Variants in RGS18 observed in about 807,000 individuals in gnomAD.
RGS18 encodes regulator of G protein signaling 18.
In RGS18, 22 loss-of-function variants were observed where a neutral mutation model predicts 27.6. The observed-to-expected ratio is 0.80, with a 90% CI of 0.57 to 1.14. The LOEUF (loss-of-function observed/expected upper bound fraction) is 1.14. Ranked by LOEUF, RGS18 falls within the 50% of genes most tolerant of loss-of-function variation. The probability of loss-of-function intolerance (pLI) is 0.00; values close to 1 mark genes in which losing one functional copy is unlikely to be tolerated. For missense variants in RGS18, 299 were observed against 269.6 expected, an observed-to-expected ratio of 1.11 and a Z score of -0.76; for synonymous variants, 89 against 84.6, an observed-to-expected ratio of 1.05 and a Z score of -0.29.
At chr1:192,161,914 C>A (rs1656079340) in intron 3 of RGS18, among the ~76,000 whole-genome samples, 1 of 152,100 alleles carries the variant, frequency 6.6e-6, no homozygotes, top group Non-Finnish European at 1.5e-5. Flanking sequence ...GTCTTGGTGA[C>A]CTTTTCATGT....
At chr1:192,178,965 A>T (rs1404314579) in intron 3 of RGS18, among the ~76,000 whole-genome samples, 1 of 151,624 alleles carries the variant, frequency 6.6e-6, no homozygotes, top group Non-Finnish European at 1.5e-5. Flanking sequence ...AAAAATGTCA[A>T]GAGAGAAGAT....
At chr1:192,171,242 G>A (rs911997089) in intron 3 of RGS18, among the ~76,000 whole-genome samples, 1 of 151,826 alleles carries the variant, frequency 6.6e-6, no homozygotes, top group African/African-American at 2.4e-5. Context: ...ATCTTGAAAA[G>A]AATACACTAA....
intron 3 of RGS18, among the ~76,000 whole-genome samples, chr1:192,161,638 A>T (rs575462220): frequency 6.6e-6 from 1 of 152,070 alleles, no homozygotes; most frequent in South Asian, 2.1e-4. Flanking sequence ...TCTTTGAAAT[A>T]CAATCATTTC....
At chr1:192,163,457 C>G (rs1443271438) in intron 3 of RGS18, 4 of 152,074 alleles carry the variant, frequency 2.6e-5, no homozygotes, top group Non-Finnish European at 4.4e-5. Flanking sequence ...AAATCCTCAC[C>G]TAGCATTCTG....
At chr1:192,159,496 A>G (rs1656033324) in intron 2 of RGS18, among the ~76,000 whole-genome samples, 175 bp downstream of exon 2, 1 of 152,222 alleles carries the variant, frequency 6.6e-6, no homozygotes, top group Admixed American at 6.5e-5. Flanking sequence ...CACTTGAATT[A>G]AATCGCTTGA....
intron 3 of RGS18, among the ~76,000 whole-genome samples, chr1:192,175,393 G>A (rs935719698): frequency 6.6e-6 from 1 of 151,702 alleles, no homozygotes; most frequent in Non-Finnish European, 1.5e-5. Flanking sequence ...CCCTTATAGA[G>A]TATTGAATCA....
At chr1:192,178,110 G>T (rs545827189) in intron 3 of RGS18, among the ~76,000 whole-genome samples, 1 of 151,396 alleles carries the variant, frequency 6.6e-6, no homozygotes, top group African/African-American at 2.4e-5. Flanking sequence ...TATGAAAGGG[G>T]AATTTTTTTT....
intron 3 of RGS18, among the ~76,000 whole-genome samples, chr1:192,172,253 G>C (rs1193656781): frequency 6.6e-6 from 1 of 151,956 alleles, no homozygotes; most frequent in Non-Finnish European, 1.5e-5. Context: ...GGATTGGCTT[G>C]GTGCAGTTTT....
chr1:192,160,552 C>A (rs960329098), intron 3 of RGS18, 113 bp downstream of exon 3: 1 of 650,784 alleles, frequency 1.5e-6, no homozygotes, highest in Non-Finnish European at 2.7e-6. Flanking sequence ...TGTTAATTTT[C>A]AGTAATTCAA....
Position 192,181,325 on chromosome 1 carries a change from C to T in RGS18, c.317C>T (p.Thr106Ile). 1 of 1,561,968 alleles carries T rather than the reference C, an allele frequency of 6.4e-7. No homozygotes were observed. Among genetic ancestry groups the T allele is most frequent in the South Asian group, 1.2e-5 (1 of 82,744 alleles). ...GLEAFTRFLKTEFSEENIEFW... is the reference protein window; with the variant it reads ...GLEAFTRFLKIEFSEENIEFW... ...GAGGCTTTTACCAGATTTCTTAAAA[C>T]TGAATTCAGTGAAGAAAATATTGAA... The change falls in exon 4 of 5, where the codon ACT becomes ATT. Residue 106 changes from threonine (T) to isoleucine (I), a missense_variant. Thr to Ile is a moderately conservative substitution (Grantham distance 89). Coordinates refer to ENST00000367460, the MANE Select transcript of RGS18 (RefSeq NM_130782.3).
chr1:192,161,238 A>C (rs1462745333), intron 3 of RGS18, among the ~76,000 whole-genome samples: 1 of 152,208 alleles, frequency 6.6e-6, no homozygotes, highest in African/African-American at 2.4e-5. Context: ...TTTTGTAGAA[A>C]TGTTGAGAAT....
At chr1:192,168,243 T>C (rs778100378) in intron 3 of RGS18, 5 of 150,816 alleles carry the variant, frequency 3.3e-5, no homozygotes, top group Non-Finnish European at 5.9e-5. Context: ...TGGGATAATC[T>C]TGTAGAGCAT....
At chr1:192,160,137 T>C (rs1656044790) in intron 2 of RGS18, among the ~76,000 whole-genome samples, 1 of 152,060 alleles carries the variant, frequency 6.6e-6, no homozygotes, top group Non-Finnish European at 1.5e-5. Context: ...AAAATAAAAC[T>C]CACATATCCA....
intron 3 of RGS18, among the ~76,000 whole-genome samples, chr1:192,175,745 G>A (rs573093062): frequency 6.6e-6 from 1 of 151,918 alleles, no homozygotes; most frequent in South Asian, 2.1e-4. Context: ...ACTGCATGGA[G>A]GCTTCTGGGT....
At chr1:192,177,466 C>T (rs889401389) in intron 3 of RGS18, among the ~76,000 whole-genome samples, 3 of 151,356 alleles carry the variant, frequency 2.0e-5, no homozygotes, top group Non-Finnish European at 4.4e-5. Flanking sequence ...AGTTATTTCT[C>T]ATGTTGGGTA....
Position 192,159,285 on chromosome 1 carries a change from G to T in RGS18, c.185G>T (p.Arg62Leu), listed in dbSNP as rs201783745. ...AAACCTGAGTTTCATGAAGACACCCGCTCCAGTAGATCTGGGCACTTGGCC... is the reference window on the plus strand; with the variant it reads ...AAACCTGAGTTTCATGAAGACACCCTCTCCAGTAGATCTGGGCACTTGGCC... ...VQKPEFHEDTRSSRSGHLAKE... is the reference protein window; with the variant it reads ...VQKPEFHEDTLSSRSGHLAKE... The change falls in exon 2 of 5, where the codon CGC becomes CTC. Residue 62 changes from arginine (R) to leucine (L), a missense_variant. Physicochemically the swap from Arg to Leu is moderately radical, Grantham distance 102. Transcript: ENST00000367460. 6.2e-7 allele frequency: 1 copy of T among 1,613,254 alleles called. No homozygotes were observed. Among genetic ancestry groups the T allele is most frequent in the African/African-American group, 1.3e-5 (1 of 74,992 alleles).
chr1:192,171,979 G>T (rs757421570), intron 3 of RGS18, among the ~76,000 whole-genome samples: 1 of 152,006 alleles, frequency 6.6e-6, no homozygotes, highest in East Asian at 1.9e-4. Flanking sequence ...ATGTCAGCAG[G>T]CTATTCTTTT....
intron 3 of RGS18, among the ~76,000 whole-genome samples, chr1:192,174,017 C>A (rs543714967): frequency 3.4e-4 from 50 of 149,004 alleles, no homozygotes; most frequent in Non-Finnish European, 1.5e-4. Context: ...TTTTTTCTTT[C>A]TTTTTTTTTA....
chr1:192,185,595 C>A lies in RGS18; in HGVS notation c.*1041C>A, dbSNP rs796548585. On this transcript the variant is annotated 3_prime_UTR_variant, in exon 5 of 5. Coordinates refer to ENST00000367460, the MANE Select transcript of RGS18 (RefSeq NM_130782.3). ...TAATTATTATTCAAATAAGATTATA[C>A]TCATACATCTATATGTCACTGTTTT... is the stretch of plus-strand genomic sequence containing the variant. The A allele has an allele frequency of 2.0e-5, 3 of 151,726 alleles. No individual in the cohort carries two copies. The highest frequency in any genetic ancestry group is 7.2e-5 in the African/African-American group (3 of 41,466). 9.4% of individuals were successfully genotyped at this position (151,726 alleles called of 1,614,324 possible).
Sources: gnomAD v4.1 joint callset for allele counts (sites outside exome capture counted in the v4.1 genomes callset) on GRCh38, gnomAD v4.1.1 for gene constraint, MANE v1.5 for transcripts, NCBI Gene and HGNC (gene_info 2026-07-23, HGNC 2026-07-21) for gene names.